TENM4: variants seen among roughly 807,000 people sequenced by gnomAD.
The protein encoded by TENM4 is teneurin-4.
TENM4 carries 82 observed loss-of-function variants against 243.3 expected under a neutral mutation model. The observed-to-expected ratio is 0.34, with a 90% CI of 0.28 to 0.40. The LOEUF (loss-of-function observed/expected upper bound fraction) is 0.40. Ranked by LOEUF, TENM4 falls within the 10% of genes least tolerant of loss-of-function variation. TENM4 has a pLI of 1.00. For synonymous variants in TENM4, 1,412 were observed against 1,456.3 expected (o/e 0.97, Z 0.69); for missense variants, 3,138 against 3,673.3 (o/e 0.85, Z 3.77).
At chr11:78,804,632 C>T (rs182221102) in intron 15 of TENM4, among the ~76,000 whole-genome samples, 4 of 152,278 alleles carry the variant, frequency 2.6e-5, no homozygotes, top group Admixed American at 2.0e-4. Context: ...TATGTACAAA[C>T]CCTGTGATGA....
chr11:79,289,396 T>TGGCTGCTGAC (rs1025783432), intron 2 of TENM4, among the ~76,000 whole-genome samples: 1 of 152,212 alleles, frequency 6.6e-6, no homozygotes, highest in African/African-American at 2.4e-5. Flanking sequence ...CTGTTGCTGT[T>TGGCTGCTGAC]GGCTGCTGAC....
chr11:78,729,159 G>T (rs954566628), intron 22 of TENM4, among the ~76,000 whole-genome samples: 4 of 152,264 alleles, frequency 2.6e-5, no homozygotes, highest in Admixed American at 6.5e-5. Context: ...GGGCCCTTTG[G>T]TTCTGTAGCC....
chr11:78,901,710 A>T (rs1282407415), intron 7 of TENM4, among the ~76,000 whole-genome samples: 1 of 152,114 alleles, frequency 6.6e-6, no homozygotes, highest in African/African-American at 2.4e-5. Context: ...AATAATGGAG[A>T]TCTGATTAAG....
intron 6 of TENM4, among the ~76,000 whole-genome samples, chr11:78,921,935 G>A (rs1856457044): frequency 6.6e-6 from 1 of 152,212 alleles, no homozygotes; most frequent in Non-Finnish European, 1.5e-5. Context: ...TAGCACGAAT[G>A]TCATCTCTAC....
chr11:79,110,123 C>A (rs181007500), intron 4 of TENM4, among the ~76,000 whole-genome samples: 1 of 152,214 alleles, frequency 6.6e-6, no homozygotes, highest in South Asian at 2.1e-4. Context: ...CAATACCCTC[C>A]TCCCTCTCTG....
At chr11:79,033,414 A>G (rs1859296970) in intron 6 of TENM4, among the ~76,000 whole-genome samples, 1 of 152,174 alleles carries the variant, frequency 6.6e-6, no homozygotes, top group Non-Finnish European at 1.5e-5. Context: ...GGATACTAAT[A>G]TTTCCTGATC....
At chr11:79,140,945 C>A (rs752443342) in intron 4 of TENM4, among the ~76,000 whole-genome samples, 6 of 152,044 alleles carry the variant, frequency 3.9e-5, no homozygotes, top group Non-Finnish European at 7.4e-5. Context: ...GGGCCTCTGA[C>A]TCTACCGTCT....
chr11:78,856,592 T>C (rs1230732683), intron 10 of TENM4, among the ~76,000 whole-genome samples: 2 of 152,104 alleles, frequency 1.3e-5, no homozygotes, highest in Admixed American at 1.3e-4. Context: ...GTGTTATTAA[T>C]TTTCCAACTC....
intron 1 of TENM4, among the ~76,000 whole-genome samples, chr11:79,374,054 C>T (rs1462628935): frequency 6.6e-6 from 1 of 152,116 alleles, no homozygotes; most frequent in Non-Finnish European, 1.5e-5. Context: ...AATACTTATC[C>T]ACAGAGCTCA....
chr11:79,070,553 A>T (rs1018053245), intron 4 of TENM4, among the ~76,000 whole-genome samples: 2 of 152,208 alleles, frequency 1.3e-5, no homozygotes, highest in Admixed American at 1.3e-4. Flanking sequence ...TACCACTACC[A>T]GATGATTATA....
At chr11:79,237,628 G>GT (rs1333090319) in intron 2 of TENM4, among the ~76,000 whole-genome samples, 1 of 152,176 alleles carries the variant, frequency 6.6e-6, no homozygotes, top group Non-Finnish European at 1.5e-5. Context: ...AGTGAGCCAA[G>GT]TTCGTACCAC....
chr11:78,789,727 G>A (rs973464714), intron 15 of TENM4, among the ~76,000 whole-genome samples: 9 of 152,220 alleles, frequency 5.9e-5, no homozygotes, highest in African/African-American at 1.9e-4. Context: ...TTTTCAGGCA[G>A]CAGAGCACAT....
At chr11:79,250,215 G>A (rs1190203194) in intron 2 of TENM4, among the ~76,000 whole-genome samples, 3 of 152,190 alleles carry the variant, frequency 2.0e-5, no homozygotes, top group African/African-American at 4.8e-5. Context: ...TCAAACTTCT[G>A]GTCTCAAGTG....
intron 25 of TENM4, among the ~76,000 whole-genome samples, chr11:78,716,303 CTCT>C (rs1859519837): frequency 6.6e-6 from 1 of 152,202 alleles, no homozygotes. Flanking sequence ...CCTGAACCCC[CTCT>C]TCTTCCCCAC....
intron 3 of TENM4, among the ~76,000 whole-genome samples, chr11:79,175,074 C>T (rs574184477): frequency 6.6e-6 from 1 of 152,114 alleles, no homozygotes; most frequent in African/African-American, 2.4e-5. Flanking sequence ...TTTGCTGTCC[C>T]CATCAGACTT....
intron 1 of TENM4, among the ~76,000 whole-genome samples, chr11:79,302,772 A>G (rs904792269): frequency 5.9e-5 from 9 of 152,174 alleles, no homozygotes; most frequent in Non-Finnish European, 1.3e-4. Context: ...TAGGGTCTCC[A>G]GGATGTAAGT....
intron 9 of TENM4, among the ~76,000 whole-genome samples, chr11:78,865,764 T>C (rs1437850275): frequency 6.6e-6 from 1 of 152,266 alleles, no homozygotes; most frequent in East Asian, 1.9e-4. Flanking sequence ...CACTTTGCTT[T>C]TTTCTTTGGT....
intron 10 of TENM4, among the ~76,000 whole-genome samples, chr11:78,861,718 C>T (rs930323547): frequency 6.6e-6 from 1 of 152,192 alleles, no homozygotes; most frequent in African/African-American, 2.4e-5. Context: ...CCCTGTTAAA[C>T]AAACTGGTGG....
At chr11:79,166,942 T>C (rs939090336) in intron 3 of TENM4, among the ~76,000 whole-genome samples, 2 of 152,200 alleles carry the variant, frequency 1.3e-5, no homozygotes, top group Middle Eastern at 3.4e-3. Context: ...GGCTAGAACA[T>C]AAAGCAGGGG....
Sources: allele counts gnomAD v4.1 joint callset (sites outside exome capture counted in the v4.1 genomes callset), GRCh38; gene constraint gnomAD v4.1.1; transcripts MANE v1.5; gene names NCBI Gene and HGNC (gene_info 2026-07-23, HGNC 2026-07-21).